The following GPATCH8 variants were observed in gnomAD, a reference collection of about 807,000 sequenced individuals.
GPATCH8 encodes G patch domain-containing protein 8.
Under a neutral mutation model 118.3 loss-of-function variants are expected in GPATCH8, and 18 were observed. The observed-to-expected ratio is 0.15, with a 90% CI of 0.11 to 0.23. GPATCH8 has a LOEUF of 0.23. GPATCH8 is among the 10% of genes least tolerant of loss of function. GPATCH8 has a pLI of 1.00. For synonymous variants in GPATCH8, 659 were observed against 684.7 expected (o/e 0.96, Z 0.59); for missense variants, 1,631 against 1,873.8 (o/e 0.87, Z 2.39).
At position 44,396,083 on chromosome 17, in the gene GPATCH8, A is replaced by G. The variant is rs1567914045; in HGVS notation, c.*1485T>C. ...ATGTGCTCACCTCCCAACAAAAGGA[A>G]GACTGTCCCAACTCATCCTCCAGCC... On this transcript the variant is annotated 3_prime_UTR_variant, in exon 8 of 8. Coordinates refer to ENST00000591680, the MANE Select transcript of GPATCH8 (RefSeq NM_001002909.4). The G allele has an allele frequency of 2.2e-6, 1 of 454,550 alleles. No individual in the cohort carries two copies. Among genetic ancestry groups the G allele is most frequent in the Non-Finnish European group, 4.4e-6 (1 of 226,788 alleles). The allele number at this position is 454,550 out of a possible 1,614,324, so 28.2% of individuals were successfully genotyped here. A position where few individuals can be genotyped will look rare whatever the true frequency, so the allele number is the denominator to read the frequency against.
chr17:44,397,798 G>A lies in GPATCH8; in HGVS notation c.4279C>T (p.Pro1427Ser). 3 of 1,585,722 alleles carry A rather than the reference G, an allele frequency of 1.9e-6. No individual in the cohort carries two copies. The highest frequency in any genetic ancestry group is 2.6e-6 in the Non-Finnish European group (3 of 1,163,560). ...SLSHLTHSII[P>S]GHPATFLASH... ...GCGAGAAAGGTGGCAGGGTGGCCAG[G>A]GATGATTGAGTGAGTGAGGTGGGAC... Residue 1427 changes from proline to serine, a missense_variant, in exon 8 of 8, where the codon CCT (proline) becomes TCT (serine). Coordinates refer to ENST00000591680, the MANE Select transcript of GPATCH8 (RefSeq NM_001002909.4).
chr17:44,431,002 T>C (rs756968553), intron 5 of GPATCH8, among the ~76,000 whole-genome samples: 27 of 152,062 alleles, frequency 1.8e-4, no homozygotes, highest in Non-Finnish European at 3.2e-4. Flanking sequence ...CATTAAATTG[T>C]AGTATTGCTA....
chr17:44,463,202 G>A (rs1013917631), intron 3 of GPATCH8, among the ~76,000 whole-genome samples: 4 of 151,920 alleles, frequency 2.6e-5, no homozygotes, highest in African/African-American at 9.7e-5. Context: ...TTACAGACAT[G>A]AGCCACTGCA....
At chr17:44,402,860 T>C (rs897338468) in intron 7 of GPATCH8, among the ~76,000 whole-genome samples, 1 of 152,214 alleles carries the variant, frequency 6.6e-6, no homozygotes, top group Non-Finnish European at 1.5e-5. Context: ...CTGAGCACTT[T>C]CATCTTTGAC....
chr17:44,443,129 C>G (rs907368333), intron 3 of GPATCH8, among the ~76,000 whole-genome samples: 2 of 152,072 alleles, frequency 1.3e-5, no homozygotes, highest in Non-Finnish European at 2.9e-5. Flanking sequence ...GGCCAAGAAC[C>G]TACACTGACA....
intron 5 of GPATCH8, among the ~76,000 whole-genome samples, 199 bp from the exon 6 acceptor site, chr17:44,424,691 A>T (rs1312118297): frequency 6.6e-6 from 1 of 152,224 alleles, no homozygotes; most frequent in East Asian, 1.9e-4. Context: ...ATTGTCTTCA[A>T]ATAAACAAAT....
chr17:44,497,149 C>G (rs758790673), intron 1 of GPATCH8, among the ~76,000 whole-genome samples: 1 of 152,180 alleles, frequency 6.6e-6, no homozygotes, highest in Non-Finnish European at 1.5e-5. Context: ...TAATAGAACT[C>G]ACGAACTGGA....
chr17:44,417,919 T>C (rs1260858977), intron 6 of GPATCH8, among the ~76,000 whole-genome samples: 1 of 152,162 alleles, frequency 6.6e-6, no homozygotes, highest in Non-Finnish European at 1.5e-5. Flanking sequence ...AAAGCCTAAA[T>C]TATGTAAAAT....
chr17:44,398,043 G>A lies in GPATCH8; in HGVS notation c.4034C>T (p.Ala1345Val). The change falls in exon 8 of 8, where the codon GCC becomes GTC. Residue 1345 changes from alanine (A) to valine (V), a missense_variant. Ala to Val is a moderately conservative substitution (Grantham distance 64). This residue lies in a region of GPATCH8 where 111 missense variants were observed against 112.4 expected (regional missense o/e 0.99). Coordinates refer to ENST00000591680, the MANE Select transcript of GPATCH8 (RefSeq NM_001002909.4). ...TGTGGCTGGGGCCAGGGCAGCTGAG[G>A]CTGGAAAGGCCTTTACTTGCTTGGC... ...LLAKQVKAFP[A>V]SAALAPATPA... The A allele has an allele frequency of 1.2e-6, 2 of 1,613,952 alleles. No homozygotes were observed. The highest frequency in any genetic ancestry group is 1.1e-5 in the South Asian group (1 of 91,086).
chr17:44,403,763 G>C (rs1229163814), intron 7 of GPATCH8, among the ~76,000 whole-genome samples: 3 of 150,070 alleles, frequency 2.0e-5, no homozygotes, highest in Admixed American at 2.0e-4. Context: ...GTACAATCTT[G>C]GCTCACTGCA....
chr17:44,421,548 T>C (rs578068842), intron 6 of GPATCH8, among the ~76,000 whole-genome samples: 2 of 151,790 alleles, frequency 1.3e-5, no homozygotes, highest in African/African-American at 2.4e-5. Context: ...GTATTTTCAA[T>C]GGAGATGGGG....
At chr17:44,448,789 AT>A (rs1006899647) in intron 3 of GPATCH8, among the ~76,000 whole-genome samples, 27 of 151,788 alleles carry the variant, frequency 1.8e-4, no homozygotes, top group African/African-American at 5.6e-4. Flanking sequence ...AAAAAAAAAA[AT>A]AAACAGCACT....
At chr17:44,481,412 T>C (rs1365279854) in intron 1 of GPATCH8, among the ~76,000 whole-genome samples, 1 of 152,276 alleles carries the variant, frequency 6.6e-6, no homozygotes, top group Admixed American at 6.5e-5. Flanking sequence ...AAATTATTCA[T>C]ACAAGTAGTA....
intron 6 of GPATCH8, among the ~76,000 whole-genome samples, chr17:44,409,560 G>A (rs1052162821): frequency 2.0e-5 from 3 of 152,114 alleles, no homozygotes; most frequent in Non-Finnish European, 4.4e-5. Context: ...TTTGTTCTCT[G>A]ACCAGTTATT....
Position 44,399,812 on chromosome 17 carries a change from C to T in GPATCH8, c.2265G>A (p.Gln755=), listed in dbSNP as rs1421704121. 1 of 1,613,516 alleles carries T rather than the reference C, an allele frequency of 6.2e-7. No individual in the cohort carries two copies. The highest frequency in any genetic ancestry group is 1.3e-5 in the African/African-American group (1 of 74,804). The change falls in exon 8 of 8, where the codon CAG becomes CAA. Residue 755 remains glutamine, a synonymous_variant. Coordinates refer to ENST00000591680, the MANE Select transcript of GPATCH8 (RefSeq NM_001002909.4). ...RRRRRAQDDS[Q]RRSLPAEEGS... is the part of the protein sequence containing the mutation. ...CCTCTTCAGCTGGGAGGGATCTCCGCTGGGAGTCATCTTGAGCTCTCCGCC... is the reference window on the plus strand; with the variant it reads ...CCTCTTCAGCTGGGAGGGATCTCCGTTGGGAGTCATCTTGAGCTCTCCGCC...
chr17:44,400,567 C>T lies in GPATCH8; in HGVS notation c.1510G>A (p.Glu504Lys). 1.2e-6 allele frequency: 2 copies of T among 1,614,184 alleles called. No individual in the cohort carries two copies. The highest frequency in any genetic ancestry group is 1.7e-6 in the Non-Finnish European group (2 of 1,180,010). The change falls in exon 8 of 8, where the codon GAG (glutamate) becomes AAG (lysine). Residue 504 changes from glutamate to lysine, a missense_variant. This residue lies in a region of GPATCH8 where 405 missense variants were observed against 462.7 expected (regional missense o/e 0.88). Coordinates refer to ENST00000591680, the MANE Select transcript of GPATCH8 (RefSeq NM_001002909.4). Reference sequence around the variant, plus strand: ...GAGTTGGACTCACACATTTGGGTCTCTGAAACCTTCTGACTATGACTTTCT... The same window carrying T: ...GAGTTGGACTCACACATTTGGGTCTTTGAAACCTTCTGACTATGACTTTCT... ...SLESHSQKVS[E>K]TQMCESNSSK...
intron 1 of GPATCH8, among the ~76,000 whole-genome samples, chr17:44,476,468 G>A (rs1343791019): frequency 6.6e-6 from 1 of 152,094 alleles, no homozygotes; most frequent in African/African-American, 2.4e-5. Context: ...GCCTCCCAAA[G>A]TGCTGGGATT....
At chr17:44,431,280 A>G (rs1055367592) in intron 5 of GPATCH8, among the ~76,000 whole-genome samples, 1 of 148,552 alleles carries the variant, frequency 6.7e-6, no homozygotes, top group Non-Finnish European at 1.5e-5. Context: ...AGGCTGGGGC[A>G]GGAGAATTGC....
intron 2 of GPATCH8, among the ~76,000 whole-genome samples, chr17:44,473,973 T>C (rs547111941): frequency 6.6e-6 from 1 of 152,214 alleles, no homozygotes; most frequent in Non-Finnish European, 1.5e-5. Flanking sequence ...TAGTGTTTCT[T>C]AAGGGGAAGT....
Sources: gnomAD v4.1 joint callset for allele counts (sites outside exome capture counted in the v4.1 genomes callset) on GRCh38, gnomAD v4.1.1 for gene constraint, gnomAD v4.1.1 regional missense constraint, MANE v1.5 for transcripts, NCBI Gene and HGNC (gene_info 2026-07-23, HGNC 2026-07-21) for gene names.